IL1RAPL1: variants seen among roughly 807,000 people sequenced by gnomAD.
IL1RAPL1 encodes interleukin-1 receptor accessory protein-like 1.
IL1RAPL1 carries 3 observed loss-of-function variants against 48.4 expected under a neutral mutation model. The ratio of observed to expected loss-of-function variants is 0.06; its 90% CI spans 0.03 to 0.16. The LOEUF (loss-of-function observed/expected upper bound fraction) is 0.16, where lower values mean the gene tolerates loss of function less well. Ranked by LOEUF, IL1RAPL1 falls within the 10% of genes least tolerant of loss-of-function variation. The pLI is 1.00. For missense variants in IL1RAPL1, 349 were observed against 530.6 expected (o/e 0.66, Z 3.36); for synonymous variants, 185 against 187.7 (o/e 0.99, Z 0.12).
intron 1 of IL1RAPL1, among the ~76,000 whole-genome samples, chrX:28,673,229 A>G (rs1934964147): frequency 8.9e-6 from 1 of 112,087 alleles, no homozygotes; most frequent in Non-Finnish European, 1.9e-5. Context: ...AAACCTGACA[A>G]AAACAAGCAA....
At chrX:29,326,455 A>G (rs1932843126) in intron 3 of IL1RAPL1, among the ~76,000 whole-genome samples, 1 of 112,482 alleles carries the variant, frequency 8.9e-6, no homozygotes, top group African/African-American at 3.2e-5. Context: ...GGAAAATTCT[A>G]TAATTTGTCT....
chrX:29,389,507 T>C (rs7880334), intron 3 of IL1RAPL1, among the ~76,000 whole-genome samples: 15,952 of 110,781 alleles, frequency 0.14, 1,053 homozygotes, highest in African/African-American at 0.26. Flanking sequence ...TTCTCCCTCT[T>C]ATCTTTTCCC....
rs917337654 is a variant in IL1RAPL1 at position 29,944,953 on chromosome X, A to T, written c.1201+3159A>T. On this transcript the variant is annotated intron_variant, in intron 9 of 10. Coordinates refer to ENST00000378993, the MANE Select transcript of IL1RAPL1 (RefSeq NM_014271.4). Reference sequence around the variant, plus strand: ...CTACACGCATACCCACCTTCCCATTAAAAAAAAAAAAGTAATCATCTTCTT... The same window carrying T: ...CTACACGCATACCCACCTTCCCATTTAAAAAAAAAAAGTAATCATCTTCTT... 6.1e-4 allele frequency among the ~76,000 whole-genome samples: 62 copies of T among 101,786 alleles called. 1 individual carries two copies. Among genetic ancestry groups the T allele is most frequent in the Non-Finnish European group, 1.0e-3 (52 of 49,553 alleles). The allele number at this position is 101,786 out of a possible 115,157, so 88.4% of individuals were successfully genotyped here.
intron 1 of IL1RAPL1, among the ~76,000 whole-genome samples, chrX:28,751,418 A>G (rs377278966): frequency 1.3e-4 from 15 of 111,954 alleles, no homozygotes; most frequent in African/African-American, 4.5e-4. Context: ...GACATTTTGC[A>G]TACCATCAAT....
At chrX:29,073,395 C>T (rs1487696900) in intron 2 of IL1RAPL1, among the ~76,000 whole-genome samples, 1 of 111,550 alleles carries the variant, frequency 9.0e-6, no homozygotes, top group Non-Finnish European at 1.9e-5. Flanking sequence ...TATTTTGCAT[C>T]CTGTTGCCAG....
intron 5 of IL1RAPL1, among the ~76,000 whole-genome samples, chrX:29,545,923 C>T (rs1921613143): frequency 9.0e-6 from 1 of 111,663 alleles, no homozygotes; most frequent in Admixed American, 9.5e-5. Context: ...CTGAGTATTG[C>T]TTTTTAATCT....
At chrX:29,089,300 T>G (rs1243662491) in intron 2 of IL1RAPL1, among the ~76,000 whole-genome samples, 1 of 111,364 alleles carries the variant, frequency 9.0e-6, no homozygotes, top group African/African-American at 3.3e-5. Flanking sequence ...ATGATGATTT[T>G]ATATGCATAT....
intron 1 of IL1RAPL1, among the ~76,000 whole-genome samples, chrX:28,671,950 T>G (rs1934950041): frequency 8.9e-6 from 1 of 112,788 alleles, no homozygotes. Context: ...TTCTGACATA[T>G]ACTGTTATAA....
chrX:29,312,219 C>T (rs1437537028), intron 3 of IL1RAPL1, among the ~76,000 whole-genome samples: 1 of 111,104 alleles, frequency 9.0e-6, no homozygotes, highest in Non-Finnish European at 1.9e-5. Flanking sequence ...GAGGGTGGAT[C>T]GCCTGAGGTC....
chrX:29,062,367 A>G (rs1038140322), intron 2 of IL1RAPL1, among the ~76,000 whole-genome samples: 4 of 112,563 alleles, frequency 3.6e-5, no homozygotes, highest in African/African-American at 1.3e-4. Flanking sequence ...CCCTGGCAAA[A>G]TCATGTGTAA....
chrX:29,501,347 G>A (rs1320180395), intron 5 of IL1RAPL1, among the ~76,000 whole-genome samples: 1 of 110,867 alleles, frequency 9.0e-6, no homozygotes. Context: ...TGGTTGCCTG[G>A]GCTTTTGAGG....
chrX:29,917,852 G>C (rs1463569418), intron 7 of IL1RAPL1, among the ~76,000 whole-genome samples: 1 of 108,686 alleles, frequency 9.2e-6, no homozygotes, highest in Non-Finnish European at 1.9e-5. Flanking sequence ...GCTGGGGGTG[G>C]TGGCTCTCGC....
At chrX:28,873,809 GC>G (rs1255440247) in intron 2 of IL1RAPL1, among the ~76,000 whole-genome samples, 1,501 of 109,621 alleles carry the variant, frequency 0.014, 19 homozygotes, top group Non-Finnish European at 0.019. Context: ...GGGATTACAA[GC>G]ATGAGCCACC....
At chrX:29,340,267 C>G (rs980690596) in intron 3 of IL1RAPL1, among the ~76,000 whole-genome samples, 3 of 111,404 alleles carry the variant, frequency 2.7e-5, no homozygotes, top group African/African-American at 9.8e-5. Flanking sequence ...CCATCTCTAT[C>G]TAGTTCCAGA....
chrX:29,807,177 C>T (rs1434194388), intron 6 of IL1RAPL1, among the ~76,000 whole-genome samples: 1 of 109,817 alleles, frequency 9.1e-6, no homozygotes, highest in African/African-American at 3.3e-5. Flanking sequence ...CATTTAAATA[C>T]ATATATTAAA....
chrX:28,630,917 T>G (rs1298372731), intron 1 of IL1RAPL1, among the ~76,000 whole-genome samples: 1 of 112,077 alleles, frequency 8.9e-6, no homozygotes, highest in Non-Finnish European at 1.9e-5. Context: ...CCTCTTCTCA[T>G]GGAGCTTACA....
intron 1 of IL1RAPL1, among the ~76,000 whole-genome samples, chrX:28,608,603 C>T (rs891501991): frequency 8.9e-6 from 1 of 111,812 alleles, no homozygotes; most frequent in Admixed American, 9.6e-5. Context: ...AGCAATGCTA[C>T]TATCAAAGCA....
At chrX:29,724,949 AGAG>A (rs1471663770) in intron 6 of IL1RAPL1, among the ~76,000 whole-genome samples, 1 of 111,637 alleles carries the variant, frequency 9.0e-6, no homozygotes, top group Non-Finnish European at 1.9e-5. Flanking sequence ...TGGTATTCTG[AGAG>A]GAGTGGGAAT....
intron 3 of IL1RAPL1, among the ~76,000 whole-genome samples, chrX:29,381,052 C>T (rs1933690517): frequency 1.8e-5 from 2 of 110,829 alleles, no homozygotes; most frequent in Non-Finnish European, 3.8e-5. Flanking sequence ...AAAATCAGAA[C>T]ATAGTAGAAA....
Sources: gnomAD v4.1 joint callset for allele counts (sites outside exome capture counted in the v4.1 genomes callset) on GRCh38, gnomAD v4.1.1 for gene constraint, MANE v1.5 for transcripts, NCBI Gene and HGNC (gene_info 2026-07-23, HGNC 2026-07-21) for gene names.